The following ADCY10 variants were observed in gnomAD, a reference collection of about 807,000 sequenced individuals.
The protein encoded by ADCY10 is adenylate cyclase 10.
In ADCY10, 156 loss-of-function variants were observed where a neutral mutation model predicts 183.3. The observed-to-expected ratio is 0.85, with a 90% CI of 0.75 to 0.97. The LOEUF is 0.97. Among genes scored for constraint, ADCY10 ranks in the 50% least tolerant of loss-of-function variants. The pLI is 0.00. For synonymous variants in ADCY10, 645 were observed against 670.0 expected (o/e 0.96, Z 0.58); for missense variants, 1,745 against 1,934.3 (o/e 0.90, Z 1.84).
intron 18 of ADCY10, among the ~76,000 whole-genome samples, chr1:167,850,662 CGTGTGTGTGTGTGT>C (rs35744623): frequency 1.0e-4 from 9 of 87,922 alleles, no homozygotes; most frequent in East Asian, 7.8e-4. Flanking sequence ...AAAAGGGGGC[CGTGTGTGTGTGTGT>C]GTGTGTGTGT....
At chr1:167,830,618 C>G (rs1227271801) in intron 25 of ADCY10, among the ~76,000 whole-genome samples, 1 of 152,006 alleles carries the variant, frequency 6.6e-6, no homozygotes, top group East Asian at 1.9e-4. Context: ...GGTCCTGAAC[C>G]CCTGACCTCA....
intron 31 of ADCY10, among the ~76,000 whole-genome samples, chr1:167,817,545 T>C (rs1662606794): frequency 6.6e-6 from 1 of 152,194 alleles, no homozygotes; most frequent in African/African-American, 2.4e-5. Context: ...CTTGGAGGTG[T>C]TTAATTTGCT....
intron 1 of ADCY10, among the ~76,000 whole-genome samples, chr1:167,909,287 G>T (rs1670005484): frequency 1.3e-5 from 2 of 151,976 alleles, no homozygotes; most frequent in African/African-American, 4.8e-5. Flanking sequence ...CTATACTATT[G>T]ACCTGTGGGT....
In ADCY10 at chr1:167,856,170, C is replaced by A. The variant is rs1665874221; in HGVS notation, c.2166G>T (p.Leu722=). The part of the protein sequence containing the change: ...DLNVSCISKE[L]DSYLGEGSCG... ...AATAGAAAGAGGTTACTTACGAGTCCAGTTCTTTGGAGATGCAGCTCACAT... is the reference window on the plus strand; with the variant it reads ...AATAGAAAGAGGTTACTTACGAGTCAAGTTCTTTGGAGATGCAGCTCACAT... The change falls in exon 17 of 33, where the codon CTG becomes CTT. Residue 722 remains leucine (L), a synonymous_variant. Coordinates refer to ENST00000367851, the MANE Select transcript of ADCY10 (RefSeq NM_018417.6). 6.2e-7 allele frequency: 1 copy of A among 1,613,712 alleles called. No homozygotes were observed. The highest frequency in any genetic ancestry group is 1.7e-5 in the Admixed American group (1 of 59,988).
chr1:167,899,137 G>C (rs370574764), intron 6 of ADCY10, among the ~76,000 whole-genome samples: 3 of 152,096 alleles, frequency 2.0e-5, no homozygotes, highest in Admixed American at 6.5e-5. Context: ...GACCCTTCTG[G>C]TTCCTTAAGC....
At chr1:167,853,124 A>T (rs549970184) in intron 18 of ADCY10, among the ~76,000 whole-genome samples, 94 of 152,210 alleles carry the variant, frequency 6.2e-4, no homozygotes, top group African/African-American at 2.1e-3. Flanking sequence ...TCTCACACCT[A>T]TATTCTTGTC....
intron 1 of ADCY10, among the ~76,000 whole-genome samples, chr1:167,905,920 A>G (rs1409584851): frequency 1.3e-5 from 2 of 152,246 alleles, no homozygotes; most frequent in African/African-American, 2.4e-5. Context: ...TGTAAAAATC[A>G]TGCTCTACCA....
chr1:167,901,324 T>C (rs978304170), intron 5 of ADCY10, among the ~76,000 whole-genome samples: 5 of 152,204 alleles, frequency 3.3e-5, no homozygotes, highest in Non-Finnish European at 7.3e-5. Flanking sequence ...TTTTGTTTTA[T>C]ACTGCACAAC....
intron 18 of ADCY10, among the ~76,000 whole-genome samples, chr1:167,849,420 G>A (rs1237958860): frequency 1.3e-5 from 2 of 152,154 alleles, no homozygotes; most frequent in Non-Finnish European, 2.9e-5. Flanking sequence ...GAAATAGGAA[G>A]GTGAATAAAA....
intron 8 of ADCY10, among the ~76,000 whole-genome samples, 143 bp downstream of exon 8, chr1:167,893,695 CAAAAAAAAAAAAAAA>C (rs748872658): frequency 7.1e-5 from 5 of 70,190 alleles, no homozygotes; most frequent in African/African-American, 2.5e-4. Context: ...GACTCTGTCT[CAAAAAAAAAAAAAAA>C]AAAAAAAAAG....
At chr1:167,896,946 T>A (rs1053189711) in intron 6 of ADCY10, among the ~76,000 whole-genome samples, 1 of 152,218 alleles carries the variant, frequency 6.6e-6, no homozygotes, top group Admixed American at 6.5e-5. Flanking sequence ...ACTAATCTTA[T>A]ACTTTTCTGC....
chr1:167,878,349 G>T, intron 12 of ADCY10, 97 bp downstream of exon 12: 3 of 1,404,228 alleles, frequency 2.1e-6, no homozygotes, highest in Non-Finnish European at 3.0e-6. Context: ...TCAACTTTTT[G>T]AACTGGCTCC....
Position 167,860,894 on chromosome 1 carries a change from G to A in ADCY10, c.1786C>T (p.Leu596Phe), listed in dbSNP as rs548988480. The change falls in exon 15 of 33, where the codon CTT becomes TTT. Residue 596 changes from leucine to phenylalanine, a missense_variant. Transcript: ENST00000367851. ...TLLDEKFYCL[L>F]NDIFHVQFPI... The stretch of plus-strand genomic sequence containing the variant: ...ACCTGAACATGGAAAATGTCATTAA[G>A]AAGACAGTAGAACTTTTCATCCAAC... 1.9e-6 allele frequency: 3 copies of A among 1,614,116 alleles called. No homozygotes were observed. The highest frequency in any genetic ancestry group is 2.2e-5 in the East Asian group (1 of 44,876).
At chr1:167,861,208 G>A in intron 14 of ADCY10, 145 bp from the exon 15 acceptor site, 1 of 728,114 alleles carries the variant, frequency 1.4e-6, no homozygotes, top group South Asian at 1.7e-5. Flanking sequence ...GTTCTTTATT[G>A]CTGCTTCTGA....
intron 12 of ADCY10, 40 bp from the exon 13 acceptor site, chr1:167,875,226 CAG>C (rs779147650): frequency 1.3e-6 from 2 of 1,594,754 alleles, no homozygotes; most frequent in East Asian, 4.5e-5. Context: ...AGATTCAAAA[CAG>C]GGACATATTG....
chr1:167,901,646 C>T lies in ADCY10; in HGVS notation c.436+16G>A. ...ATCCCAGCTGCCGTAGGATTTATTC[C>T]TTCTCAAATGCTTACCTATCTTGAC... On this transcript the variant is annotated intron_variant, in intron 5 of 32. Transcript: ENST00000367851. 2 of 1,613,636 alleles carry T rather than the reference C, an allele frequency of 1.2e-6. No homozygotes were observed. Among genetic ancestry groups the T allele is most frequent in the Non-Finnish European group, 1.7e-6 (2 of 1,179,748 alleles).
At chr1:167,904,952 GT>G in intron 2 of ADCY10, 40 bp downstream of exon 2, 1 of 1,614,006 alleles carries the variant, frequency 6.2e-7, no homozygotes, top group Non-Finnish European at 8.5e-7. Context: ...ACGCGAGCCT[GT>G]TGCTCATCCA....
Position 167,854,349 on chromosome 1 carries a change from T to G in ADCY10, c.2308+4A>C. 7 of 1,614,188 alleles carry G rather than the reference T, an allele frequency of 4.3e-6. No individual in the cohort carries two copies. Among genetic ancestry groups the G allele is most frequent in the Non-Finnish European group, 5.9e-6 (7 of 1,180,022 alleles). ...TAAGAAAGAACCATCACCGCAGGAC[T>G]TACTGAACAGGTTATTCCAGGTCCT... is the stretch of plus-strand genomic sequence containing the variant. On this transcript the variant is annotated splice_donor_region_variant and intron_variant, in intron 18 of 32. Coordinates refer to ENST00000367851, the MANE Select transcript of ADCY10 (RefSeq NM_018417.6).
rs529241575 is a variant in ADCY10 at position 167,883,185 on chromosome 1, G to A, written c.1020+252C>T. 5.9e-5 allele frequency among the ~76,000 whole-genome samples: 9 copies of A among 152,312 alleles called. No individual in the cohort carries two copies. The East Asian group carries it at 1.2e-3, about 20-fold the overall frequency. On this transcript the variant is annotated intron_variant, in intron 9 of 32. Transcript: ENST00000367851. ...CCTGAGTAGCTGAGATTACAGGCAC[G>A]TGCCACCGCACCCAGCTAATTTTTG...
Sources: gnomAD v4.1 joint callset for allele counts (sites outside exome capture counted in the v4.1 genomes callset) on GRCh38, gnomAD v4.1.1 for gene constraint, MANE v1.5 for transcripts, NCBI Gene and HGNC (gene_info 2026-07-23, HGNC 2026-07-21) for gene names.